The following RSAD1 variants were observed in gnomAD, a reference collection of about 807,000 sequenced individuals.
RSAD1 encodes radical S-adenosyl methionine domain containing 1.
RSAD1 carries 34 observed loss-of-function variants against 46.2 expected under a neutral mutation model. The observed-to-expected ratio is 0.74, with a 90% CI of 0.56 to 0.98. The LOEUF (loss-of-function observed/expected upper bound fraction) is 0.98, where lower values mean the gene tolerates loss of function less well. Ranked by LOEUF, RSAD1 falls within the 50% of genes least tolerant of loss-of-function variation. The pLI, the probability that RSAD1 is intolerant of heterozygous loss-of-function variation, is 0.00. For missense variants in RSAD1, 635 were observed against 592.3 expected (o/e 1.07, Z -0.75); for synonymous variants, 260 against 253.5 (o/e 1.03, Z -0.24).
In RSAD1 at chr17:50,484,618, C is replaced by A. The variant is rs188766050; in HGVS notation, c.1211+73C>A. ...CCCTGACTACAGCTCTCCACAGACCCAGGAGAAGTGAGAAAGACTGACTGG... is the reference window on the plus strand; with the variant it reads ...CCCTGACTACAGCTCTCCACAGACCAAGGAGAAGTGAGAAAGACTGACTGG... On this transcript the variant is annotated intron_variant, in intron 8 of 8. Coordinates refer to ENST00000258955, the MANE Select transcript of RSAD1 (RefSeq NM_018346.3). 415 of 1,547,296 alleles carry A rather than the reference C, an allele frequency of 2.7e-4. 4 individuals carry two copies. In the African/African-American group the frequency reaches 5.2e-3, roughly 19 times the overall value.
At chr17:50,484,255 C>A in intron 7 of RSAD1, 187 bp from the exon 8 acceptor site, 1 of 575,896 alleles carries the variant, frequency 1.7e-6, no homozygotes, top group Non-Finnish European at 3.1e-6. Flanking sequence ...GGGTTCCAGT[C>A]TCAGTGGAAT....
intron 1 of RSAD1, 61 bp from the exon 2 acceptor site, chr17:50,479,567 CG>C: frequency 6.2e-7 from 1 of 1,603,860 alleles, no homozygotes; most frequent in Non-Finnish European, 8.5e-7. Context: ...GGGGTGTGTG[CG>C]ACTGAACCCT....
chr17:50,484,183 A>G, intron 7 of RSAD1: 1 of 516,600 alleles, frequency 1.9e-6, no homozygotes, highest in South Asian at 2.5e-5. Context: ...CCCTGGCTAG[A>G]GCTGGCTGAG....
At position 50,485,383 on chromosome 17, in the gene RSAD1, A is replaced by G. The variant is rs1423235541; in HGVS notation, c.*522A>G. 3 of 152,828 alleles carry G rather than the reference A, an allele frequency of 2.0e-5. No homozygotes were observed. Among genetic ancestry groups the G allele is most frequent in the Admixed American group, 6.5e-5 (1 of 15,370 alleles). The allele number at this position is 152,828 out of a possible 1,614,324, so 9.5% of individuals were successfully genotyped here. A position where few individuals can be genotyped will look rare whatever the true frequency, so the allele number is the denominator to read the frequency against. On this transcript the variant is annotated 3_prime_UTR_variant, in exon 9 of 9. Transcript: ENST00000258955. The stretch of plus-strand genomic sequence containing the variant: ...CCAGTAGCAACTGTGAGAAATCAGC[A>G]ACTTGCAGGAGGCACAGAAAACTCC...
chr17:50,482,673 T>G lies in RSAD1; in HGVS notation c.871T>G (p.Trp291Gly), dbSNP rs139217297. ...GCTCAGTACCCACAATTGGACTTACTGGCAGTGTGGTCAGTACCTTGGCGT... is the reference window on the plus strand; with the variant it reads ...GCTCAGTACCCACAATTGGACTTACGGGCAGTGTGGTCAGTACCTTGGCGT... ...GALSTHNWTY[W>G]QCGQYLGVGP... Residue 291 changes from tryptophan (W) to glycine (G), a missense_variant, in exon 5 of 9, where the codon TGG (tryptophan) becomes GGG (glycine). Coordinates refer to ENST00000258955, the MANE Select transcript of RSAD1 (RefSeq NM_018346.3). 1 of 1,614,196 alleles carries G rather than the reference T, an allele frequency of 6.2e-7. No homozygotes were observed. The highest frequency in any genetic ancestry group is 2.2e-5 in the East Asian group (1 of 44,880).
Position 50,479,727 on chromosome 17 carries a change from A to AGCTCAGACGCTGCTGCG in RSAD1, c.241_257dup (p.Ser86ArgfsTer24), listed in dbSNP as rs1480321290. ...CCATGCAGAAGTGTCTGGTGACCGA[A>AGCTCAGACGCTGCTGCG]GCTCAGACGCTGCTGCGGCTCAGCG... is the stretch of plus-strand genomic sequence containing the variant. On this transcript the variant is annotated frameshift_variant, in exon 2 of 9. Coordinates refer to ENST00000258955, the MANE Select transcript of RSAD1 (RefSeq NM_018346.3). LOFTEE classifies it high-confidence loss of function. The AGCTCAGACGCTGCTGCG allele has an allele frequency of 6.2e-7, 1 of 1,612,928 alleles. No homozygotes were observed. Among genetic ancestry groups the AGCTCAGACGCTGCTGCG allele is most frequent in the East Asian group, 2.2e-5 (1 of 44,880 alleles).
rs2033353967 is a variant in RSAD1, at chr17:50,479,618, A to G, written c.136-11A>G. 1.2e-6 allele frequency: 2 copies of G among 1,613,316 alleles called. No homozygotes were observed. The highest frequency in any genetic ancestry group is 2.7e-5 in the African/African-American group (2 of 74,916). On this transcript the variant is annotated splice_polypyrimidine_tract_variant and intron_variant, in intron 1 of 8. Transcript: ENST00000258955. ...CAGCTCTCACCGCGCACGTGCACTC[A>G]CTGCCCCCAGTGGCCTTACTGCGAG...
In RSAD1 at chr17:50,482,110, T is replaced by C; in HGVS notation, c.494T>C (p.Leu165Pro). The C allele has an allele frequency of 6.3e-7, 1 of 1,577,392 alleles. No individual in the cohort carries two copies. Among genetic ancestry groups the C allele is most frequent in the Non-Finnish European group, 8.6e-7 (1 of 1,158,878 alleles). Residue 165 changes from leucine (L) to proline (P), a missense_variant, in exon 4 of 9, where the codon CTC becomes CCC. Coordinates refer to ENST00000258955, the MANE Select transcript of RSAD1 (RefSeq NM_018346.3). ...IGLQSLDDTE[L>P]RLLGRTHSAC... ...TCCCAGTCCCTAGATGACACTGAGC[T>C]CCGGCTGTTGGGACGGACGCACTCG... is the stretch of plus-strand genomic sequence containing the variant.
intron 7 of RSAD1, chr17:50,484,224 G>C: frequency 1.8e-6 from 1 of 554,834 alleles, no homozygotes; most frequent in South Asian, 2.2e-5. Flanking sequence ...CATAGAGGAA[G>C]GCCTGGCTTG....
Position 50,484,787 on chromosome 17 carries a change from C to G in RSAD1, c.1255C>G (p.Leu419Val). The change falls in exon 9 of 9, where the codon CTC becomes GTC. Residue 419 changes from leucine to valine, a missense_variant. Coordinates refer to ENST00000258955, the MANE Select transcript of RSAD1 (RefSeq NM_018346.3). Reference protein sequence around the residue: ...SWEGLAVLDSLLLTLLPQLQE... With the variant: ...SWEGLAVLDSVLLTLLPQLQE... ...GGAGGGTCTGGCTGTGCTGGACTCT[C>G]TCTTGCTGACCCTCCTGCCTCAGCT... The G allele has an allele frequency of 6.2e-7, 1 of 1,614,118 alleles. No individual in the cohort carries two copies. The highest frequency in any genetic ancestry group is 8.5e-7 in the Non-Finnish European group (1 of 1,179,994).
In RSAD1 at chr17:50,484,470, C is replaced by T. The variant is rs776991497; in HGVS notation, c.1136C>T (p.Thr379Ile). 1 of 1,613,750 alleles carries T rather than the reference C, an allele frequency of 6.2e-7. No homozygotes were observed. The highest frequency in any genetic ancestry group is 1.1e-5 in the South Asian group (1 of 91,092). Reference sequence around the variant, plus strand: ...TGGCAGCAGTTTGAGCCCCAGCTGACCCTGTGGGATGTGTTTGGAGCGAAC... The same window carrying T: ...TGGCAGCAGTTTGAGCCCCAGCTGATCCTGTGGGATGTGTTTGGAGCGAAC... ...QHWQQFEPQL[T>I]LWDVFGANKE... The change falls in exon 8 of 9, where the codon ACC becomes ATC. Residue 379 changes from threonine to isoleucine, a missense_variant. Physicochemically the swap from Thr to Ile is moderately conservative, Grantham distance 89 (BLOSUM62 -1). Coordinates refer to ENST00000258955, the MANE Select transcript of RSAD1 (RefSeq NM_018346.3).
Position 50,483,357 on chromosome 17 carries a change from A to G in RSAD1, c.922A>G (p.Met308Val). The change falls in exon 6 of 9, where the codon ATG (methionine) becomes GTG (valine). Residue 308 changes from methionine (M) to valine (V), a missense_variant. Transcript: ENST00000258955. ...GVGPGAHGRF[M>V]PQGAGGHTRE... ...GTTGTCAGGGGCCCATGGACGATTTATGCCCCAGGGGGCTGGAGGCCACAC... is the reference window on the plus strand; with the variant it reads ...GTTGTCAGGGGCCCATGGACGATTTGTGCCCCAGGGGGCTGGAGGCCACAC... The G allele has an allele frequency of 6.2e-7, 1 of 1,614,026 alleles. No individual in the cohort carries two copies. Among genetic ancestry groups the G allele is most frequent in the Non-Finnish European group, 8.5e-7 (1 of 1,179,958 alleles).
chr17:50,484,247 G>A (rs574594686), intron 7 of RSAD1, 195 bp from the exon 8 acceptor site: 422 of 570,464 alleles, frequency 7.4e-4, no homozygotes, highest in Non-Finnish European at 1.2e-3. Flanking sequence ...TGGAAGCTGG[G>A]TTCCAGTCTC....
chr17:50,481,990 C>T, intron 3 of RSAD1, 101 bp from the exon 4 acceptor site: 1 of 1,360,498 alleles, frequency 7.4e-7, no homozygotes, highest in Non-Finnish European at 9.7e-7. Context: ...CAGCTGCCTG[C>T]CACGTGCTGC....
chr17:50,479,505 G>A, intron 1 of RSAD1, 124 bp from the exon 2 acceptor site: 1 of 1,225,782 alleles, frequency 8.2e-7, no homozygotes, highest in African/African-American at 1.5e-5. Context: ...GTGTGGCTTA[G>A]ATGTCCTAGC....
chr17:50,482,039 T>C, intron 3 of RSAD1, 52 bp from the exon 4 acceptor site: 1 of 1,483,578 alleles, frequency 6.7e-7, no homozygotes, highest in South Asian at 1.4e-5. Flanking sequence ...GGAGGAGGGT[T>C]CTTGTCTCTC....
chr17:50,479,425 AG>A (rs2033351153), intron 1 of RSAD1: 1 of 588,486 alleles, frequency 1.7e-6, no homozygotes, highest in Non-Finnish European at 2.9e-6. Flanking sequence ...AGCGTAACAA[AG>A]GAGTGAGCCT....
chr17:50,480,845 A>G (rs1368052280), intron 3 of RSAD1, among the ~76,000 whole-genome samples: 4 of 152,200 alleles, frequency 2.6e-5, no homozygotes, highest in Admixed American at 6.5e-5. Context: ...CTTACCCCAA[A>G]GCGCATATCT....
At chr17:50,483,310 T>C in intron 5 of RSAD1, 30 bp from the exon 6 acceptor site, 1 of 1,608,722 alleles carries the variant, frequency 6.2e-7, no homozygotes, top group African/African-American at 1.3e-5. Context: ...TAACAGCCAT[T>C]AATGTGGGGA....
Sources: allele counts gnomAD v4.1 joint callset (sites outside exome capture counted in the v4.1 genomes callset), GRCh38; gene constraint gnomAD v4.1.1; transcripts MANE v1.5; gene names NCBI Gene and HGNC (gene_info 2026-07-23, HGNC 2026-07-21).